ASCC1: variants seen among roughly 807,000 people sequenced by gnomAD.
ASCC1 encodes the protein ASC-1 complex subunit P50.
A neutral mutation model predicts 46.6 loss-of-function variants in ASCC1; 35 were observed. That is an observed-to-expected ratio of 0.75 (90% CI 0.57 to 0.99). ASCC1 has a LOEUF of 0.99. ASCC1 is among the 50% of genes least tolerant of loss of function. ASCC1 has a pLI of 0.00. For missense variants in ASCC1, 376 were observed against 428.7 expected (o/e 0.88, Z 1.09); for synonymous variants, 143 against 146.6 (o/e 0.98, Z 0.18).
In ASCC1 at chr10:72,164,799, T is replaced by C. The variant is rs78579950; in HGVS notation, c.490-3125A>G. ...CCACATCTTCACTGACACTTGCTTTTTAAAAAAATGATAGCGATCCTTGTG... is the reference window on the plus strand; with the variant it reads ...CCACATCTTCACTGACACTTGCTTTCTAAAAAAATGATAGCGATCCTTGTG... On this transcript the variant is annotated intron_variant, in intron 5 of 9. Coordinates refer to ENST00000672957, the MANE Select transcript of ASCC1 (RefSeq NM_001198800.3). Among the ~76,000 whole-genome samples, 959 of 152,304 alleles carry C rather than the reference T, an allele frequency of 6.3e-3. 6 individuals carry two copies. The highest frequency in any genetic ancestry group is 0.022 in the African/African-American group (914 of 41,548).
chr10:72,195,337 G>A (rs2133250623), intron 5 of ASCC1, among the ~76,000 whole-genome samples: 1 of 151,074 alleles, frequency 6.6e-6, no homozygotes, highest in East Asian at 1.9e-4. Flanking sequence ...GTAGAGACAG[G>A]GTTTTGCTGC....
chr10:72,151,985 G>A (rs112085011), intron 7 of ASCC1, among the ~76,000 whole-genome samples: 3,651 of 108,314 alleles, frequency 0.034, 181 homozygotes, highest in African/African-American at 0.11. Flanking sequence ...CACCGCAACC[G>A]GCCAATATTT....
chr10:72,196,704 G>T, intron 5 of ASCC1, 107 bp downstream of exon 5: 3 of 1,119,666 alleles, frequency 2.7e-6, no homozygotes, highest in South Asian at 1.5e-5. Context: ...TATCTTTTTT[G>T]GTGGGGGAAG....
rs142702915 is a variant in ASCC1, at chr10:72,125,315, T to C, written c.957+2767A>G. ...TCCTTGGCCTATGCAGCTGTTAATA[T>C]GCTGCACACGTATGCCTGGGCTCCT... On this transcript the variant is annotated intron_variant, in intron 9 of 9. Transcript: ENST00000672957. Among the ~76,000 whole-genome samples the C allele has an allele frequency of 6.6e-3, 1,010 of 152,350 alleles. 7 individuals carry two copies. Among genetic ancestry groups the C allele is most frequent in the Middle Eastern group, 0.017 (5 of 294 alleles).
At chr10:72,166,681 C>T (rs552147523) in intron 5 of ASCC1, among the ~76,000 whole-genome samples, 2 of 151,426 alleles carry the variant, frequency 1.3e-5, no homozygotes, top group South Asian at 4.2e-4. Context: ...GGGAGAAAAA[C>T]ATTTGCAAAT....
At chr10:72,154,493 G>GTTT (rs375316111) in intron 6 of ASCC1, among the ~76,000 whole-genome samples, 2 of 139,864 alleles carry the variant, frequency 1.4e-5, no homozygotes, top group African/African-American at 2.6e-5. Context: ...TATGCATAGG[G>GTTT]TTTTTTTTTT....
chr10:72,175,625 G>A (rs1851770159), intron 5 of ASCC1, among the ~76,000 whole-genome samples: 1 of 152,136 alleles, frequency 6.6e-6, no homozygotes. Context: ...ATTCAAGCAT[G>A]GGCTTTTATA....
intron 5 of ASCC1, among the ~76,000 whole-genome samples, chr10:72,166,938 A>G (rs1240323369): frequency 1.3e-5 from 2 of 152,216 alleles, no homozygotes; most frequent in Non-Finnish European, 2.9e-5. Flanking sequence ...AAACAATAAC[A>G]AGTGTAGATG....
At chr10:72,112,152 G>A (rs1377177524) in intron 9 of ASCC1, among the ~76,000 whole-genome samples, 2 of 152,136 alleles carry the variant, frequency 1.3e-5, no homozygotes, top group Non-Finnish European at 2.9e-5. Context: ...ACCATCTCTG[G>A]GTCCAGATTT....
At chr10:72,186,263 G>C (rs1468579466) in intron 5 of ASCC1, among the ~76,000 whole-genome samples, 1 of 151,892 alleles carries the variant, frequency 6.6e-6, no homozygotes, top group Non-Finnish European at 1.5e-5. Flanking sequence ...TGAGTAGCTG[G>C]GGTGCCCACC....
In ASCC1 at chr10:72,096,725, G is replaced by T. The variant is rs1294154257; in HGVS notation, c.*609C>A. The T allele has an allele frequency of 2.2e-6, 1 of 454,104 alleles. No individual in the cohort carries two copies. Among genetic ancestry groups the T allele is most frequent in the South Asian group, 1.6e-5 (1 of 64,480 alleles). 28.1% of individuals were successfully genotyped at this position (454,104 alleles called of 1,614,324 possible). A position where few individuals can be genotyped will look rare whatever the true frequency, so the allele number is the denominator to read the frequency against. On this transcript the variant is annotated 3_prime_UTR_variant, in exon 10 of 10. Coordinates refer to ENST00000672957, the MANE Select transcript of ASCC1 (RefSeq NM_001198800.3). ...CATGTAACGGAACATTCCATTATAT[G>T]TATAATACAGGAAGGAAATCCTGTC...
At chr10:72,189,904 G>A in intron 5 of ASCC1, 2 of 667,834 alleles carry the variant, frequency 3.0e-6, no homozygotes, top group East Asian at 5.3e-5. Flanking sequence ...AGAAAGTACA[G>A]CCTTTCTGTC....
At chr10:72,204,163 C>T (rs773207045) in intron 3 of ASCC1, among the ~76,000 whole-genome samples, 13 of 152,180 alleles carry the variant, frequency 8.5e-5, no homozygotes, top group Non-Finnish European at 1.8e-4. Flanking sequence ...GCAGGAGAAT[C>T]ACTTGAACCC....
In ASCC1 at chr10:72,149,165, A is replaced by G. The variant is rs533319544; in HGVS notation, c.746+3704T>C. ...AAAAAAAAAAGTGTTGTGGCCGGGC[A>G]CGGTGGCTCATGCCTGTAATCCCAG... On this transcript the variant is annotated intron_variant, in intron 7 of 9. Transcript: ENST00000672957. 9.2e-5 allele frequency among the ~76,000 whole-genome samples: 14 copies of G among 151,928 alleles called. No homozygotes were observed. The South Asian group carries it at 2.1e-3, about 23-fold the overall frequency.
intron 9 of ASCC1, among the ~76,000 whole-genome samples, chr10:72,102,009 G>C (rs1007872711): frequency 1.3e-5 from 2 of 152,108 alleles, no homozygotes; most frequent in African/African-American, 4.8e-5. Flanking sequence ...GGAGGAGGGA[G>C]AGAAGCAGAA....
intron 7 of ASCC1, among the ~76,000 whole-genome samples, chr10:72,141,870 G>A (rs1847056256): frequency 1.3e-5 from 2 of 152,114 alleles, no homozygotes; most frequent in Admixed American, 6.6e-5. Context: ...CAATGTTAAA[G>A]CTTTTACAAG....
chr10:72,177,935 T>C (rs1402082903), intron 5 of ASCC1, among the ~76,000 whole-genome samples: 1 of 152,190 alleles, frequency 6.6e-6, no homozygotes, highest in Non-Finnish European at 1.5e-5. Flanking sequence ...ACAGGGATGA[T>C]AGTGATAATG....
intron 3 of ASCC1, chr10:72,204,345 C>T: frequency 6.5e-7 from 1 of 1,533,774 alleles, no homozygotes; most frequent in Admixed American, 2.0e-5. Flanking sequence ...CTCGACTACC[C>T]CATGAAGACG....
At chr10:72,129,358 G>A (rs1385741866) in intron 8 of ASCC1, among the ~76,000 whole-genome samples, 2 of 152,168 alleles carry the variant, frequency 1.3e-5, no homozygotes, top group Non-Finnish European at 2.9e-5. Flanking sequence ...TCCATACAAT[G>A]GAATATTATT....
Sources: allele counts gnomAD v4.1 joint callset (sites outside exome capture counted in the v4.1 genomes callset), GRCh38; gene constraint gnomAD v4.1.1; transcripts MANE v1.5; gene names NCBI Gene and HGNC (gene_info 2026-07-23, HGNC 2026-07-21).